Variants in TRMT10C observed in about 807,000 individuals in gnomAD.
TRMT10C encodes the protein tRNA methyltransferase 10C, mitochondrial RNase P subunit, also known as tRNA methyltransferase 10 homolog C.
A neutral mutation model predicts 27.4 loss-of-function variants in TRMT10C; 14 were observed. The observed-to-expected ratio is 0.51, with a 90% CI of 0.34 to 0.80. TRMT10C has a LOEUF of 0.80. TRMT10C is among the 30% of genes least tolerant of loss of function. The pLI is 0.02. For synonymous variants in TRMT10C, 143 were observed against 155.9 expected (o/e 0.92, Z 0.62); for missense variants, 438 against 464.8 (o/e 0.94, Z 0.53).
chr3:101,566,045 G>C lies in TRMT10C; in HGVS notation c.*52G>C, dbSNP rs1273337205. ...TGCACAGAACACGTGGCTCAAATGA[G>C]AACATTTGATGGCTTAAAAAGTAAA... On this transcript the variant is annotated 3_prime_UTR_variant, in exon 2 of 2. Coordinates refer to ENST00000309922, the MANE Select transcript of TRMT10C (RefSeq NM_017819.4). 2.6e-6 allele frequency: 4 copies of C among 1,511,132 alleles called. No individual in the cohort carries two copies. The highest frequency in any genetic ancestry group is 2.7e-6 in the Non-Finnish European group (3 of 1,128,476). The allele number at this position is 1,511,132 out of a possible 1,614,324, so 93.6% of individuals were successfully genotyped here.
At position 101,564,640 on chromosome 3, in the gene TRMT10C, G is replaced by C; in HGVS notation, c.-12-130G>C. 4 of 946,188 alleles carry C rather than the reference G, an allele frequency of 4.2e-6. No homozygotes were observed. The South Asian group carries it at 7.2e-5, about 17-fold the overall frequency. The allele number at this position is 946,188 out of a possible 1,614,324, so 58.6% of individuals were successfully genotyped here. A position where few individuals can be genotyped will look rare whatever the true frequency, so the allele number is the denominator to read the frequency against. On this transcript the variant is annotated intron_variant, in intron 1 of 1. Transcript: ENST00000309922. ...CCACAGGAGTCTAGGAAAAAAATTG[G>C]TACAAAGATTTTACCTTGTGTTTCA...
At chr3:101,562,104 C>T (rs929514607) in intron 1 of TRMT10C, 101 bp downstream of exon 1, 1 of 152,076 alleles carries the variant, frequency 6.6e-6, no homozygotes, top group African/African-American at 2.4e-5. Flanking sequence ...TTCGGAAGGC[C>T]CACGGGTAAG....
rs551743013 is a variant in TRMT10C, at chr3:101,565,764, G to A, written c.983G>A (p.Arg328Gln). Residue 328 changes from arginine (R) to glutamine (Q), a missense_variant, in exon 2 of 2, where the codon CGG (arginine) becomes CAG (glutamine). Coordinates refer to ENST00000309922, the MANE Select transcript of TRMT10C (RefSeq NM_017819.4). ...GGCACATCCCTAGCCAAGGCAAAAC[G>A]GCTGAACCTGGCAACTGAATGCCTT... ...QPGTSLAKAKRLNLATECLPL... is the reference protein window; with the variant it reads ...QPGTSLAKAKQLNLATECLPL... 2.5e-5 allele frequency: 40 copies of A among 1,614,136 alleles called. No homozygotes were observed. Among genetic ancestry groups the A allele is most frequent in the Non-Finnish European group, 3.2e-5 (38 of 1,180,020 alleles).
chr3:101,566,031 C>T lies in TRMT10C; in HGVS notation c.*38C>T, dbSNP rs146878542. The T allele has an allele frequency of 4.3e-4, 656 of 1,538,316 alleles. 3 individuals are homozygous for T. In the East Asian group the frequency reaches 0.013, roughly 30 times the overall value. On this transcript the variant is annotated 3_prime_UTR_variant, in exon 2 of 2. Coordinates refer to ENST00000309922, the MANE Select transcript of TRMT10C (RefSeq NM_017819.4). Reference sequence around the variant, plus strand: ...AGGTTCTCTGAATGTGCACAGAACACGTGGCTCAAATGAGAACATTTGATG... The same window carrying T: ...AGGTTCTCTGAATGTGCACAGAACATGTGGCTCAAATGAGAACATTTGATG...
At position 101,565,537 on chromosome 3, in the gene TRMT10C, T is replaced by C; in HGVS notation, c.756T>C (p.Gly252=). ...HIYFCNLKID[G]ALHRELVKRY... is the part of the protein sequence containing the mutation. ...ATTTCTGCAATCTAAAAATAGATGG[T>C]GCTTTGCACAGAGAGTTAGTTAAAC... Residue 252 remains glycine (G), a synonymous_variant, in exon 2 of 2, where the codon GGT becomes GGC. Transcript: ENST00000309922. 6.2e-7 allele frequency: 1 copy of C among 1,613,666 alleles called. No homozygotes were observed. The highest frequency in any genetic ancestry group is 8.5e-7 in the Non-Finnish European group (1 of 1,179,742).
rs764698926 is a variant in TRMT10C at position 101,565,742 on chromosome 3, A to G, written c.961A>G (p.Thr321Ala). The change falls in exon 2 of 2, where the codon ACA becomes GCA. Residue 321 changes from threonine (T) to alanine (A), a missense_variant. Thr to Ala is a moderately conservative substitution (Grantham distance 58). This residue lies in a region of TRMT10C where 350 missense variants were observed against 370.5 expected (regional missense o/e 0.94). Transcript: ENST00000309922. The part of the protein sequence containing the change: ...SFVDKSMQPG[T>A]SLAKAKRLNL... ...TGTTGATAAGAGTATGCAGCCAGGC[A>G]CATCCCTAGCCAAGGCAAAACGGCT... 1 of 1,614,250 alleles carries G rather than the reference A, an allele frequency of 6.2e-7. No individual in the cohort carries two copies. The highest frequency in any genetic ancestry group is 1.1e-5 in the South Asian group (1 of 91,086).
Position 101,565,272 on chromosome 3 carries a change from A to G in TRMT10C, c.491A>G (p.Lys164Arg), listed in dbSNP as rs921380227. 2.5e-6 allele frequency: 4 copies of G among 1,612,088 alleles called. No homozygotes were observed. Among genetic ancestry groups the G allele is most frequent in the Admixed American group, 1.7e-5 (1 of 59,718 alleles). Residue 164 changes from lysine to arginine, a missense_variant, in exon 2 of 2, where the codon AAG (lysine) becomes AGG (arginine). Around this residue, in one of 3 missense-constraint regions of TRMT10C, gnomAD observed 350 missense variants for 370.5 expected, o/e 0.94. Transcript: ENST00000309922. ...GCAAGGGAAGAAGCAAAAAATATCA[A>G]GCTGCTAGAAACCACTGAGGAAGAT... is the stretch of plus-strand genomic sequence containing the variant. ...AAAREEAKNI[K>R]LLETTEEDKQ...
In TRMT10C at chr3:101,565,368, C is replaced by CG. The variant is rs1231003138; in HGVS notation, c.587_588insG (p.Gln197ProfsTer12). 1.2e-6 allele frequency: 2 copies of CG among 1,614,038 alleles called. No homozygotes were observed. Among genetic ancestry groups the CG allele is most frequent in the Non-Finnish European group, 8.5e-7 (1 of 1,180,012 alleles). On this transcript the variant is annotated frameshift_variant, in exon 2 of 2. Transcript: ENST00000309922. LOFTEE classifies it high-confidence loss of function. Reference sequence around the variant, plus strand: ...GACATAGCAATGGGCTGGAAGGGTGCCCAGGCCATGCAGTTTGGACAACCT... The same window carrying CG: ...GACATAGCAATGGGCTGGAAGGGTGCGCCAGGCCATGCAGTTTGGACAACCT...
rs766031189 is a variant in TRMT10C, at chr3:101,565,553, T to G, written c.772T>G (p.Leu258Val). 9.3e-6 allele frequency: 15 copies of G among 1,613,952 alleles called. No individual in the cohort carries two copies. The highest frequency in any genetic ancestry group is 1.3e-5 in the Non-Finnish European group (15 of 1,179,916). The change falls in exon 2 of 2, where the codon TTA (leucine) becomes GTA (valine). Residue 258 changes from leucine to valine, a missense_variant. This residue lies in a region of TRMT10C where 350 missense variants were observed against 370.5 expected (regional missense o/e 0.94). Transcript: ENST00000309922. ...AATAGATGGTGCTTTGCACAGAGAGTTAGTTAAACGGTATCAAGAAAAATG... is the reference window on the plus strand; with the variant it reads ...AATAGATGGTGCTTTGCACAGAGAGGTAGTTAAACGGTATCAAGAAAAATG... ...LKIDGALHRE[L>V]VKRYQEKWDK...
rs745784863 is a variant in TRMT10C, at chr3:101,564,802, G to A, written c.21G>A (p.Met7Ile). 1.3e-5 allele frequency: 21 copies of A among 1,574,072 alleles called. No homozygotes were observed. The highest frequency in any genetic ancestry group is 3.4e-4 in the Middle Eastern group (2 of 5,872). ...GTTACATGGCTGCTTTCCTCAAAATGAGTGTTAGTGTCAATTTCTTCAGAC... is the reference window on the plus strand; with the variant it reads ...GTTACATGGCTGCTTTCCTCAAAATAAGTGTTAGTGTCAATTTCTTCAGAC... MAAFLKMSVSVNFFRPF... is the reference protein window; with the variant it reads MAAFLKISVSVNFFRPF... Residue 7 changes from methionine (M) to isoleucine (I), a missense_variant, in exon 2 of 2, where the codon ATG becomes ATA. By Grantham distance (10) the Met-to-Ile change is conservative. Around this residue, in one of 3 missense-constraint regions of TRMT10C, gnomAD observed 350 missense variants for 370.5 expected, o/e 0.94. Transcript: ENST00000309922.
rs750519117 is a variant in TRMT10C at position 101,565,225 on chromosome 3, A to G, written c.444A>G (p.Ile148Met). The G allele has an allele frequency of 1.9e-6, 3 of 1,602,216 alleles. No individual in the cohort carries two copies. Among genetic ancestry groups the G allele is most frequent in the Non-Finnish European group, 2.6e-6 (3 of 1,175,314 alleles). ...TKEKVKKARQ[I>M]KKEMKAAARE... ...AAAAAGTGAAAAAAGCTAGGCAAAT[A>G]AAAAAGGAAATGAAAGCAGCAGCAA... The change falls in exon 2 of 2, where the codon ATA (isoleucine) becomes ATG (methionine). Residue 148 changes from isoleucine to methionine, a missense_variant. Coordinates refer to ENST00000309922, the MANE Select transcript of TRMT10C (RefSeq NM_017819.4).
rs1934488960 is a variant in TRMT10C, at chr3:101,565,179, T to C, written c.398T>C (p.Leu133Ser). Residue 133 changes from leucine to serine, a missense_variant, in exon 2 of 2, where the codon TTA (leucine) becomes TCA (serine). Physicochemically the swap from Leu to Ser is moderately radical, Grantham distance 145 (BLOSUM62 -2). This residue lies in a region of TRMT10C where 350 missense variants were observed against 370.5 expected (regional missense o/e 0.94). Transcript: ENST00000309922. ...TCTAACACAGCAAAAAAAAAATATT[T>C]AAAATATTTATATACGAAGGAAAAA... is the stretch of plus-strand genomic sequence containing the variant. ...CVSNTAKKKY[L>S]KYLYTKEKVK... The C allele has an allele frequency of 3.2e-6, 5 of 1,552,172 alleles. No individual in the cohort carries two copies. In the Admixed American group the frequency reaches 1.0e-4, roughly 31 times the overall value.
chr3:101,565,357 C>T lies in TRMT10C; in HGVS notation c.576C>T (p.Gly192=), dbSNP rs773270019. ...LWDRNMDIAM[G]WKGAQAMQFG... ...ATAGGAATATGGACATAGCAATGGG[C>T]TGGAAGGGTGCCCAGGCCATGCAGT... is the stretch of plus-strand genomic sequence containing the variant. Residue 192 remains glycine, a synonymous_variant, in exon 2 of 2, where the codon GGC becomes GGT. Coordinates refer to ENST00000309922, the MANE Select transcript of TRMT10C (RefSeq NM_017819.4). 6 of 1,614,022 alleles carry T rather than the reference C, an allele frequency of 3.7e-6. No homozygotes were observed. In the African/African-American group the frequency reaches 5.3e-5, roughly 14 times the overall value.
Position 101,561,939 on chromosome 3 carries a change from G to C in TRMT10C, c.-77G>C, listed in dbSNP as rs1934421874. The C allele has an allele frequency of 6.5e-6, 1 of 152,984 alleles. No individual in the cohort carries two copies. The highest frequency in any genetic ancestry group is 1.5e-5 in the Non-Finnish European group (1 of 68,432). 9.5% of individuals were successfully genotyped at this position (152,984 alleles called of 1,614,324 possible). The stretch of plus-strand genomic sequence containing the variant: ...CGGATCCCTGGGCGTCCGTACGTCG[G>C]AGTCCTTCGTCCTCCAGGGTCCCTG... On this transcript the variant is annotated 5_prime_UTR_variant, in exon 1 of 2. Coordinates refer to ENST00000309922, the MANE Select transcript of TRMT10C (RefSeq NM_017819.4).
In TRMT10C at chr3:101,565,946, C is replaced by G. The variant is rs781686774; in HGVS notation, c.1165C>G (p.Gln389Glu). 12 of 1,613,028 alleles carry G rather than the reference C, an allele frequency of 7.4e-6. No individual in the cohort carries two copies. The highest frequency in any genetic ancestry group is 1.0e-5 in the Non-Finnish European group (12 of 1,179,676). The change falls in exon 2 of 2, where the codon CAG becomes GAG. Residue 389 changes from glutamine to glutamate, a missense_variant. Coordinates refer to ENST00000309922, the MANE Select transcript of TRMT10C (RefSeq NM_017819.4). ...RKHTGFLEIS[Q>E]HSQEFINRLK... Reference sequence around the variant, plus strand: ...ACATACTGGTTTTCTGGAGATTTCTCAGCATTCTCAAGAGTTTATCAACAG... The same window carrying G: ...ACATACTGGTTTTCTGGAGATTTCTGAGCATTCTCAAGAGTTTATCAACAG...
chr3:101,564,051 G>C (rs1251419675), intron 1 of TRMT10C, among the ~76,000 whole-genome samples: 6 of 151,818 alleles, frequency 4.0e-5, no homozygotes, highest in Non-Finnish European at 8.8e-5. Context: ...CTTTTGTGAA[G>C]GATCTTATGT....
chr3:101,562,519 C>T (rs982582804), intron 1 of TRMT10C, among the ~76,000 whole-genome samples: 1 of 152,018 alleles, frequency 6.6e-6, no homozygotes. Context: ...GGCGTGGTGG[C>T]GGGTGCCTGT....
In TRMT10C at chr3:101,565,004, C is replaced by A. The variant is rs765602941; in HGVS notation, c.223C>A (p.Gln75Lys). 11 of 1,613,782 alleles carry A rather than the reference C, an allele frequency of 6.8e-6. No individual in the cohort carries two copies. In the South Asian group the frequency reaches 1.1e-4, roughly 16 times the overall value. The change falls in exon 2 of 2, where the codon CAA (glutamine) becomes AAA (lysine). Residue 75 changes from glutamine to lysine, a missense_variant. By Grantham distance (53) the Gln-to-Lys change is moderately conservative (BLOSUM62 1). Transcript: ENST00000309922. ...KWKTTMKSSV[Q>K]EECVSTISSS... ...GAAAACTACCATGAAATCTAGTGTG[C>A]AAGAAGAATGTGTTTCAACAATCTC...
At chr3:101,562,274 CCTT>C in intron 1 of TRMT10C, among the ~76,000 whole-genome samples, 1 of 152,320 alleles carries the variant, frequency 6.6e-6, no homozygotes, top group Middle Eastern at 3.4e-3. Flanking sequence ...TTTTAAAACT[CCTT>C]CTGAAATCAA....
Sources: allele counts gnomAD v4.1 joint callset (sites outside exome capture counted in the v4.1 genomes callset), GRCh38; gene constraint gnomAD v4.1.1; regional missense constraint gnomAD v4.1.1; transcripts MANE v1.5; gene names NCBI Gene and HGNC (gene_info 2026-07-23, HGNC 2026-07-21).